Variants in SERAC1 observed in about 807,000 individuals in gnomAD.
SERAC1 encodes serine active site containing 1.
In SERAC1, 36 loss-of-function variants were observed where a neutral mutation model predicts 85.7. The ratio of observed to expected loss-of-function variants is 0.42; its 90% confidence interval spans 0.32 to 0.55. SERAC1 has a LOEUF of 0.55. Among genes scored for constraint, SERAC1 ranks in the 20% least tolerant of loss-of-function variants. The pLI, the probability that SERAC1 is intolerant of heterozygous loss-of-function variation, is 0.11. For synonymous variants in SERAC1, 242 were observed against 265.3 expected, an observed-to-expected ratio of 0.91 and a Z score of 0.85; for missense variants, 629 against 796.2, an observed-to-expected ratio of 0.79 and a Z score of 2.53.
At chr6:158,124,889 A>T (rs973955274) in intron 10 of SERAC1, among the ~76,000 whole-genome samples, 1 of 152,176 alleles carries the variant, frequency 6.6e-6, no homozygotes, top group Non-Finnish European at 1.5e-5. Context: ...AGGTGAGAGA[A>T]TTTGTTGCCA....
chr6:158,136,124 C>T (rs1261475767), intron 8 of SERAC1, among the ~76,000 whole-genome samples: 1 of 152,080 alleles, frequency 6.6e-6, no homozygotes, highest in Admixed American at 6.6e-5. Context: ...ATTGGTAAAA[C>T]TTAATGAAAT....
chr6:158,143,147 G>A lies in SERAC1; in HGVS notation c.647C>T (p.Ala216Val). The change falls in exon 8 of 17, where the codon GCT (alanine) becomes GTT (valine). Residue 216 changes from alanine (A) to valine (V), a missense_variant. Physicochemically the swap from Ala to Val is moderately conservative, Grantham distance 64. Transcript: ENST00000647468. ...STEEELRQLL[A>V]SLPQTELDEC... ...ATCTAGCTCTGTTTGAGGTAAGGAA[G>A]CCAGCAACTGTCTGAGCTCTTCTTC... 1 of 1,613,598 alleles carries A rather than the reference G, an allele frequency of 6.2e-7. No individual in the cohort carries two copies. Among genetic ancestry groups the A allele is most frequent in the Non-Finnish European group, 8.5e-7 (1 of 1,179,696 alleles).
chr6:158,141,481 T>C (rs1325528472), intron 8 of SERAC1, among the ~76,000 whole-genome samples: 1 of 152,244 alleles, frequency 6.6e-6, no homozygotes, highest in Non-Finnish European at 1.5e-5. Flanking sequence ...ACCATAAATT[T>C]AAGACCTTTT....
In SERAC1 at chr6:158,144,259, T is replaced by A. The variant is rs1204198921; in HGVS notation, c.609+40A>T. On this transcript the variant is annotated intron_variant, in intron 7 of 16. Transcript: ENST00000647468. The stretch of plus-strand genomic sequence containing the variant: ...AAGTGAAGATAATATATTAAACCAT[T>A]TTTCACTCTCTAAATTACTATTATT... 5 of 1,522,302 alleles carry A rather than the reference T, an allele frequency of 3.3e-6. No homozygotes were observed. The Admixed American group carries it at 5.5e-5, about 17-fold the overall frequency. The allele number at this position is 1,522,302 out of a possible 1,614,324, so 94.3% of individuals were successfully genotyped here.
chr6:158,167,942 G>A (rs558255871), intron 1 of SERAC1, among the ~76,000 whole-genome samples, 198 bp downstream of exon 1: 43 of 151,740 alleles, frequency 2.8e-4, no homozygotes, highest in African/African-American at 1.0e-3. Context: ...GACAGGGAAA[G>A]ACGAGTCAGG....
chr6:158,137,981 T>C (rs550261654), intron 8 of SERAC1, among the ~76,000 whole-genome samples: 1 of 152,168 alleles, frequency 6.6e-6, no homozygotes, highest in African/African-American at 2.4e-5. Context: ...GGTGGAGAAG[T>C]TGTCAGAAGA....
intron 12 of SERAC1, among the ~76,000 whole-genome samples, chr6:158,118,179 G>C (rs559045377): frequency 6.6e-6 from 1 of 152,240 alleles, no homozygotes; most frequent in East Asian, 1.9e-4. Flanking sequence ...ACAGATTTTG[G>C]ATCTGAGAAT....
At chr6:158,135,465 G>A (rs780404992) in intron 8 of SERAC1, among the ~76,000 whole-genome samples, 2 of 151,980 alleles carry the variant, frequency 1.3e-5, no homozygotes, top group African/African-American at 2.4e-5. Context: ...CTGGGGAGGC[G>A]GAGGTTGCAA....
chr6:158,142,586 C>A (rs1402961125), intron 8 of SERAC1, among the ~76,000 whole-genome samples: 1 of 152,072 alleles, frequency 6.6e-6, no homozygotes, highest in Non-Finnish European at 1.5e-5. Context: ...AAGCGATTCT[C>A]CTGCCTCAGC....
At chr6:158,150,410 T>A in intron 4 of SERAC1, 43 bp downstream of exon 4, 1 of 1,468,812 alleles carries the variant, frequency 6.8e-7, no homozygotes, top group South Asian at 1.2e-5. Context: ...ATGCAATAAC[T>A]AGCTTCCATT....
Position 158,156,870 on chromosome 6 carries a change from A to G in SERAC1, c.91+1403T>C, listed in dbSNP as rs191344532. Among the ~76,000 whole-genome samples, 330 of 95,194 alleles carry G rather than the reference A, an allele frequency of 3.5e-3. 1 individual carries two copies. The highest frequency in any genetic ancestry group is 6.1e-3 in the Non-Finnish European group (272 of 44,860). The allele number at this position is 95,194 out of a possible 152,430, so 62.5% of individuals were successfully genotyped here. On this transcript the variant is annotated intron_variant, in intron 2 of 16. Coordinates refer to ENST00000647468, the MANE Select transcript of SERAC1 (RefSeq NM_032861.4). ...TTTTATATATAATAAATATTAATAT[A>G]TTTATATAGATATTAATATATTTAT...
At chr6:158,138,435 C>CAAAAA (rs60850749) in intron 8 of SERAC1, among the ~76,000 whole-genome samples, 2 of 72,846 alleles carry the variant, frequency 2.7e-5, no homozygotes, top group Admixed American at 1.8e-4. Flanking sequence ...GACTCTGTCT[C>CAAAAA]AAAAAAAAAA....
intron 1 of SERAC1, among the ~76,000 whole-genome samples, chr6:158,163,561 C>T (rs887212164): frequency 6.6e-6 from 1 of 152,156 alleles, no homozygotes; most frequent in Admixed American, 6.5e-5. Flanking sequence ...AGGAGGACTG[C>T]TGGAGCTCAG....
chr6:158,119,104 G>A lies in SERAC1; in HGVS notation c.1233C>T (p.Arg411=). The A allele has an allele frequency of 1.2e-6, 2 of 1,613,830 alleles. No individual in the cohort carries two copies. Among genetic ancestry groups the A allele is most frequent in the South Asian group, 2.2e-5 (2 of 91,058 alleles). ...GLMGAAFKTW[R]QQDSEQAVIE... ...TTACAGCCTGCTCACTGTCCTGCTG[G>A]CGCCATGTTTTGAATGCTGCTCCCA... The change falls in exon 12 of 17, where the codon CGC becomes CGT. Residue 411 remains arginine (R), a synonymous_variant. Transcript: ENST00000647468. The surrounding 1 kb of genome is among the most constrained non-coding windows in gnomAD (Gnocchi z 4.5).
chr6:158,152,490 A>C (rs1036189571), intron 3 of SERAC1, among the ~76,000 whole-genome samples: 3 of 152,122 alleles, frequency 2.0e-5, no homozygotes, highest in African/African-American at 7.2e-5. Context: ...CACTCCAGCC[A>C]GGGCGACGGA....
At chr6:158,161,411 G>T (rs549168966) in intron 1 of SERAC1, 25 of 151,834 alleles carry the variant, frequency 1.6e-4, no homozygotes, top group African/African-American at 5.3e-4. Context: ...GTAATAGCTG[G>T]GTTTGGAATT....
chr6:158,164,674 G>C (rs1785558217), intron 1 of SERAC1, among the ~76,000 whole-genome samples: 1 of 152,116 alleles, frequency 6.6e-6, no homozygotes, highest in South Asian at 2.1e-4. Flanking sequence ...CATATCAGTA[G>C]CTTCATTGCC....
rs911256110 is a variant in SERAC1 at position 158,148,778 on chromosome 6, T to C, written c.355+87A>G. On this transcript the variant is annotated intron_variant, in intron 5 of 16. Transcript: ENST00000647468. Reference sequence around the variant, plus strand: ...TCCATAGCTATAAAAAATATTAGTATAAGAAATGAAAAAAAGTATCAGGTT... The same window carrying C: ...TCCATAGCTATAAAAAATATTAGTACAAGAAATGAAAAAAAGTATCAGGTT... The C allele has an allele frequency of 9.4e-6, 9 of 957,548 alleles. No individual in the cohort carries two copies. In the African/African-American group the frequency reaches 1.5e-4, roughly 16 times the overall value. 59.3% of individuals were successfully genotyped at this position (957,548 alleles called of 1,614,324 possible). A position where few individuals can be genotyped will look rare whatever the true frequency, so the allele number is the denominator to read the frequency against.
In SERAC1 at chr6:158,146,951, TAA is replaced by T. The variant is rs773424581; in HGVS notation, c.356-40_356-39del. 20 of 1,596,546 alleles carry T rather than the reference TAA, an allele frequency of 1.3e-5. No homozygotes were observed. The African/African-American group carries it at 2.3e-4, about 18-fold the overall frequency. ...AAAAAGCCAAGACAATGTGAAAAGT[TAA>T]GATAATACTTTTATCTTCACTTTAA... is the stretch of plus-strand genomic sequence containing the variant. On this transcript the variant is annotated intron_variant, in intron 5 of 16. Coordinates refer to ENST00000647468, the MANE Select transcript of SERAC1 (RefSeq NM_032861.4).
Sources: allele counts gnomAD v4.1 joint callset (sites outside exome capture counted in the v4.1 genomes callset), GRCh38; gene constraint gnomAD v4.1.1; non-coding constraint Gnocchi (gnomAD v3.1); transcripts MANE v1.5; gene names NCBI Gene and HGNC (gene_info 2026-07-23, HGNC 2026-07-21).